CLDN14: variants seen among roughly 807,000 people sequenced by gnomAD.
CLDN14 encodes claudin-14.
CLDN14 carries 2 observed loss-of-function variants against 2.1 expected under a neutral mutation model. That is an observed-to-expected ratio of 0.96 (90% CI 0.39 to 3.01). The LOEUF (loss-of-function observed/expected upper bound fraction) is 3.01. Among genes scored for constraint, CLDN14 ranks in the 30% most tolerant of loss-of-function variants. CLDN14 has a pLI of 0.09. For missense variants in CLDN14, 298 were observed against 328.0 expected (o/e 0.91, Z 0.71); for synonymous variants, 136 against 154.4 (o/e 0.88, Z 0.88).
rs1028280772 is a variant in CLDN14 at position 36,552,435 on chromosome 21, G to A, written c.-220+23976C>T. On this transcript the variant is annotated intron_variant, in intron 1 of 2. Transcript: ENST00000342108. Reference sequence around the variant, plus strand: ...GCGGGCACACTTAAGGACACTTAGGGGTTTATGTTATATTTATGGCCAAGT... The same window carrying A: ...GCGGGCACACTTAAGGACACTTAGGAGTTTATGTTATATTTATGGCCAAGT... Among the ~76,000 whole-genome samples the A allele has an allele frequency of 2.0e-5, 3 of 152,022 alleles. No individual in the cohort carries two copies. The South Asian group carries it at 6.2e-4, about 32-fold the overall frequency.
Position 36,498,751 on chromosome 21 carries a change from G to A in CLDN14, c.-82+11612C>T, listed in dbSNP as rs1318474970. ...TGGCCTTCAGCTCCAATACAGACAC[G>A]GGAAAACCAGTCTCAGTTCAGGTCT... On this transcript the variant is annotated intron_variant, in intron 2 of 2. Transcript: ENST00000342108. This position sits in a 1 kb window ranked among gnomAD's most constrained non-coding sequence, Gnocchi z 4.9. 1.3e-5 allele frequency among the ~76,000 whole-genome samples: 2 copies of A among 152,144 alleles called. No homozygotes were observed. The highest frequency in any genetic ancestry group is 2.9e-5 in the Non-Finnish European group (2 of 68,028).
chr21:36,508,021 T>A (rs973557390), intron 2 of CLDN14, among the ~76,000 whole-genome samples: 1 of 152,188 alleles, frequency 6.6e-6, no homozygotes, highest in African/African-American at 2.4e-5. Context: ...CACACATACA[T>A]ATCACACTCT....
chr21:36,516,441 C>T (rs1316033025), intron 1 of CLDN14, among the ~76,000 whole-genome samples: 1 of 152,214 alleles, frequency 6.6e-6, no homozygotes, highest in Non-Finnish European at 1.5e-5. Flanking sequence ...ACAGAAACTT[C>T]CCTCTCGTTC....
intron 1 of CLDN14, among the ~76,000 whole-genome samples, chr21:36,571,313 A>G (rs2087708763): frequency 6.6e-6 from 1 of 152,248 alleles, no homozygotes; most frequent in African/African-American, 2.4e-5. Context: ...CAGTGCATTA[A>G]TAAAAGTAGT....
rs2086822234 is a variant in CLDN14 at position 36,479,676 on chromosome 21, T to C, written c.-263A>G. On this transcript the variant is annotated 5_prime_UTR_variant, in exon 1 of 2. Transcript: ENST00000399135. ...GGACGGAGTATTTGAGAGAAAATTG[T>C]CTAGACAATTACAGTGTTCCTTAGA... The C allele has an allele frequency of 6.6e-6, 1 of 152,150 alleles. No homozygotes were observed. The allele number at this position is 152,150 out of a possible 1,614,324, so 9.4% of individuals were successfully genotyped here. A position where few individuals can be genotyped will look rare whatever the true frequency, so the allele number is the denominator to read the frequency against.
intron 2 of CLDN14, among the ~76,000 whole-genome samples, chr21:36,491,241 A>T (rs1000171298): frequency 5.3e-5 from 8 of 152,102 alleles, no homozygotes; most frequent in African/African-American, 1.9e-4. Context: ...GAAGAACTTC[A>T]CTCACAGTCT....
chr21:36,537,651 C>CTTTTTTTTT (rs371651908), intron 1 of CLDN14, among the ~76,000 whole-genome samples: 4 of 143,658 alleles, frequency 2.8e-5, no homozygotes, highest in African/African-American at 5.0e-5. Context: ...TTTTTCTTTT[C>CTTTTTTTTT]TTTTCTTTTT....
chr21:36,460,993 G>A lies in CLDN14; in HGVS notation c.703C>T (p.Leu235=). The A allele has an allele frequency of 6.2e-7, 1 of 1,612,914 alleles. No homozygotes were observed. Reference sequence around the variant, plus strand: ...GTGGGGACTCACACGTAGTCGTTCAGCCTGTACCCGCTGTGCGTGGCCGAG... The same window carrying A: ...GTGGGGACTCACACGTAGTCGTTCAACCTGTACCCGCTGTGCGTGGCCGAG... ...VTSATHSGYR[L]NDYV is the part of the protein sequence containing the mutation. Residue 235 remains leucine (L), a synonymous_variant, in exon 2 of 2, where the codon CTG becomes TTG. Transcript: ENST00000399135. This position sits in a 1 kb window ranked among gnomAD's most constrained non-coding sequence, Gnocchi z 4.0.
intron 1 of CLDN14, among the ~76,000 whole-genome samples, chr21:36,558,745 A>G (rs112614901): frequency 9.4e-4 from 134 of 141,844 alleles, no homozygotes; most frequent in Middle Eastern, 3.8e-3. Flanking sequence ...TTCATTTATT[A>G]CTTCTAACAA....
chr21:36,537,563 T>C (rs2087434516), intron 1 of CLDN14, among the ~76,000 whole-genome samples: 1 of 152,184 alleles, frequency 6.6e-6, no homozygotes, highest in Non-Finnish European at 1.5e-5. Flanking sequence ...AGAATGTCCT[T>C]GGTAGACATC....
At chr21:36,554,219 C>T (rs2087582729) in intron 1 of CLDN14, among the ~76,000 whole-genome samples, 1 of 152,160 alleles carries the variant, frequency 6.6e-6, no homozygotes, top group Admixed American at 6.5e-5. Flanking sequence ...GAGACAGCAT[C>T]CCAACCCCCC....
chr21:36,466,795 C>T (rs549951034), intron 1 of CLDN14, among the ~76,000 whole-genome samples: 3 of 152,296 alleles, frequency 2.0e-5, no homozygotes, highest in African/African-American at 7.2e-5. Flanking sequence ...TCGTTTGAGA[C>T]AAGGCAAGTC....
chr21:36,494,482 T>C (rs955906298), intron 2 of CLDN14, among the ~76,000 whole-genome samples: 1 of 152,182 alleles, frequency 6.6e-6, no homozygotes, highest in African/African-American at 2.4e-5. Context: ...CATGAAAAGA[T>C]GATTGTTAGG....
intron 2 of CLDN14, among the ~76,000 whole-genome samples, chr21:36,493,084 G>A (rs1206388393): frequency 4.6e-5 from 7 of 152,218 alleles, no homozygotes; most frequent in Non-Finnish European, 2.9e-5. Context: ...AACCCTGAGA[G>A]GATACTGTTG....
rs558208399 is a variant in CLDN14, at chr21:36,498,126, G to A, written c.-82+12237C>T. Among the ~76,000 whole-genome samples the A allele has an allele frequency of 1.3e-5, 2 of 151,888 alleles. No homozygotes were observed. Among genetic ancestry groups the A allele is most frequent in the East Asian group, 1.9e-4 (1 of 5,160 alleles). The stretch of plus-strand genomic sequence containing the variant: ...AGCGATTCTCCTGTCTCAGCCTCAT[G>A]AGTAGCTGGGATTACAGGCACCCAC... On this transcript the variant is annotated intron_variant, in intron 2 of 2. Coordinates refer to the CLDN14 transcript ENST00000342108. The surrounding 1 kb of genome is among the most constrained non-coding windows in gnomAD (Gnocchi z 4.9).
chr21:36,515,789 C>CTTTTTTTTTTTTTT (rs1555850517), intron 1 of CLDN14, among the ~76,000 whole-genome samples: 3 of 115,316 alleles, frequency 2.6e-5, no homozygotes, highest in African/African-American at 1.1e-4. Context: ...TTTATCTTCT[C>CTTTTTTTTTTTTTT]TTTTTTTTTT....
intron 1 of CLDN14, among the ~76,000 whole-genome samples, chr21:36,567,685 C>G (rs558574609): frequency 2.0e-5 from 3 of 152,330 alleles, no homozygotes; most frequent in South Asian, 2.1e-4. Flanking sequence ...CATATACATC[C>G]ACTTTGGCTG....
At chr21:36,491,703 C>T (rs543251914) in intron 2 of CLDN14, among the ~76,000 whole-genome samples, 2 of 152,080 alleles carry the variant, frequency 1.3e-5, no homozygotes, top group Non-Finnish European at 2.9e-5. Context: ...AGTGGGGAGC[C>T]TGGAGTACAT....
At chr21:36,505,045 A>G (rs2087120054) in intron 2 of CLDN14, among the ~76,000 whole-genome samples, 1 of 152,112 alleles carries the variant, frequency 6.6e-6, no homozygotes, top group Non-Finnish European at 1.5e-5. Context: ...AAAACAATAC[A>G]AGCTTTAGGG....
Sources: gnomAD v4.1 joint callset for allele counts (sites outside exome capture counted in the v4.1 genomes callset) on GRCh38, gnomAD v4.1.1 for gene constraint, Gnocchi (gnomAD v3.1) non-coding constraint, MANE v1.5 for transcripts, NCBI Gene and HGNC (gene_info 2026-07-23, HGNC 2026-07-21) for gene names.